The following C4BPA variants were observed in gnomAD, a reference collection of about 807,000 sequenced individuals.
C4BPA encodes the protein complement component 4 binding protein alpha.
C4BPA carries 31 observed loss-of-function variants against 63.7 expected under a neutral mutation model. That is an observed-to-expected ratio of 0.49 (90% CI 0.37 to 0.66). The LOEUF (loss-of-function observed/expected upper bound fraction) is 0.66. C4BPA is among the 30% of genes least tolerant of loss of function. The probability of loss-of-function intolerance (pLI) is 0.00; values close to 1 mark genes in which losing one functional copy is unlikely to be tolerated. For synonymous variants in C4BPA, 259 were observed against 254.7 expected (o/e 1.02, Z -0.16); for missense variants, 572 against 723.3 (o/e 0.79, Z 2.40).
chr1:207,129,758 A>T lies in C4BPA; in HGVS notation c.890-1788A>T, dbSNP rs569313549. Reference sequence around the variant, plus strand: ...ACATATATTACAAACTGCACAATAAATTTTTATAATTATTGTTTTATATAA... The same window carrying T: ...ACATATATTACAAACTGCACAATAATTTTTTATAATTATTGTTTTATATAA... On this transcript the variant is annotated intron_variant, in intron 7 of 11. Transcript: ENST00000367070. Among the ~76,000 whole-genome samples, 186 of 152,266 alleles carry T rather than the reference A, an allele frequency of 1.2e-3. 1 individual carries two copies. Among genetic ancestry groups the T allele is most frequent in the African/African-American group, 4.3e-3 (180 of 41,558 alleles).
At chr1:207,133,814 T>C (rs1685218517) in intron 8 of C4BPA, among the ~76,000 whole-genome samples, 1 of 152,164 alleles carries the variant, frequency 6.6e-6, no homozygotes, top group Admixed American at 6.5e-5. Flanking sequence ...ATCCTTGAAA[T>C]AAGCAGTAAT....
At chr1:207,134,276 T>C in intron 8 of C4BPA, 128 bp from the exon 9 acceptor site, 1 of 686,738 alleles carries the variant, frequency 1.5e-6, no homozygotes, top group South Asian at 1.9e-5. Flanking sequence ...GTGTCTTGGG[T>C]CTCCCTTTCT....
intron 1 of C4BPA, among the ~76,000 whole-genome samples, chr1:207,105,645 T>C (rs918598697): frequency 5.3e-5 from 8 of 151,244 alleles, no homozygotes; most frequent in Non-Finnish European, 7.4e-5. Flanking sequence ...TTGTAAGTGA[T>C]ATAATTGAGA....
chr1:207,105,444 C>T (rs1427416474), intron 1 of C4BPA, among the ~76,000 whole-genome samples: 1 of 151,006 alleles, frequency 6.6e-6, no homozygotes, highest in East Asian at 1.9e-4. Context: ...GTAATCCCAG[C>T]TACTTGGGAG....
rs747354611 is a variant in C4BPA at position 207,144,767 on chromosome 1, A to C, written c.*50A>C. 7.8e-7 allele frequency: 1 copy of C among 1,285,462 alleles called. No individual in the cohort carries two copies. The highest frequency in any genetic ancestry group is 1.1e-6 in the Non-Finnish European group (1 of 929,120). The allele number at this position is 1,285,462 out of a possible 1,614,324, so 79.6% of individuals were successfully genotyped here. A position where few individuals can be genotyped will look rare whatever the true frequency, so the allele number is the denominator to read the frequency against. The stretch of plus-strand genomic sequence containing the variant: ...GGTGTCTTGCTGGCTTGCCTCTTGC[A>C]ATTCAATACAGATCAGTTTAGCAAA... On this transcript the variant is annotated 3_prime_UTR_variant, in exon 12 of 12. Coordinates refer to ENST00000367070, the MANE Select transcript of C4BPA (RefSeq NM_000715.4).
At chr1:207,142,507 A>G (rs895186580) in intron 10 of C4BPA, among the ~76,000 whole-genome samples, 1 of 152,162 alleles carries the variant, frequency 6.6e-6, no homozygotes, top group Non-Finnish European at 1.5e-5. Flanking sequence ...TGTTTTCCAC[A>G]ATGGTTGAAC....
intron 2 of C4BPA, among the ~76,000 whole-genome samples, chr1:207,113,584 A>G (rs1010245052): frequency 6.6e-6 from 1 of 152,182 alleles, no homozygotes; most frequent in Admixed American, 6.5e-5. Context: ...TTCTTCCTCC[A>G]TATCATTCAA....
Position 207,144,906 on chromosome 1 carries a change from T to C in C4BPA, c.*189T>C. The stretch of plus-strand genomic sequence containing the variant: ...TATTAATCATCCTCTGTGTGGCTCA[T>C]GTTTTTGCTTTTCAACACACAAAGC... On this transcript the variant is annotated 3_prime_UTR_variant, in exon 12 of 12. Coordinates refer to ENST00000367070, the MANE Select transcript of C4BPA (RefSeq NM_000715.4). 1 of 360,928 alleles carries C rather than the reference T, an allele frequency of 2.8e-6. No homozygotes were observed. Among genetic ancestry groups the C allele is most frequent in the Non-Finnish European group, 4.8e-6 (1 of 206,718 alleles). 22.4% of individuals were successfully genotyped at this position (360,928 alleles called of 1,614,324 possible).
chr1:207,113,990 G>A (rs1684726618), intron 2 of C4BPA, 110 bp from the exon 3 acceptor site: 1 of 868,324 alleles, frequency 1.2e-6, no homozygotes, highest in Non-Finnish European at 1.8e-6. Context: ...CTTGACTAGA[G>A]ATCATTCTTG....
chr1:207,129,174 A>G (rs1685110780), intron 7 of C4BPA, among the ~76,000 whole-genome samples: 1 of 152,072 alleles, frequency 6.6e-6, no homozygotes, highest in South Asian at 2.1e-4. Context: ...CAAAAGAGGA[A>G]CTCAACAGTA....
intron 10 of C4BPA, 66 bp downstream of exon 10, chr1:207,141,342 T>C (rs887464152): frequency 8.7e-6 from 11 of 1,268,870 alleles, no homozygotes; most frequent in African/African-American, 6.0e-5. Context: ...CACTGAGAGC[T>C]AAGTTTCTTC....
At chr1:207,111,593 A>G (rs1454694050) in intron 1 of C4BPA, among the ~76,000 whole-genome samples, 1 of 152,164 alleles carries the variant, frequency 6.6e-6, no homozygotes, top group Non-Finnish European at 1.5e-5. Flanking sequence ...TCTCCCACAC[A>G]GTTTCTCTCC....
At chr1:207,122,767 T>G (rs1420639567) in intron 4 of C4BPA, among the ~76,000 whole-genome samples, 2 of 152,040 alleles carry the variant, frequency 1.3e-5, no homozygotes, top group Admixed American at 1.3e-4. Flanking sequence ...AGAGATGGGG[T>G]TTTGTCATAT....
chr1:207,105,077 T>C (rs141595217), intron 1 of C4BPA, among the ~76,000 whole-genome samples: 79 of 152,356 alleles, frequency 5.2e-4, no homozygotes, highest in African/African-American at 1.8e-3. Context: ...AGTACCATTC[T>C]GGTCCTCATT....
At chr1:207,115,363 C>T in intron 3 of C4BPA, 53 bp from the exon 4 acceptor site, 1 of 898,646 alleles carries the variant, frequency 1.1e-6, no homozygotes, top group South Asian at 1.6e-5. Context: ...TTTTCTAATG[C>T]CATATCTGTG....
intron 6 of C4BPA, among the ~76,000 whole-genome samples, chr1:207,126,006 C>G (rs534580484): frequency 3.0e-4 from 45 of 151,918 alleles, no homozygotes; most frequent in Non-Finnish European, 6.2e-4. Flanking sequence ...CCTGGGCTGC[C>G]TCTGCACTAT....
intron 6 of C4BPA, among the ~76,000 whole-genome samples, chr1:207,125,163 T>C (rs980823785): frequency 7.9e-5 from 12 of 152,220 alleles, no homozygotes; most frequent in African/African-American, 2.7e-4. Context: ...AGCAGGATAC[T>C]GCCAACAGTG....
chr1:207,112,350 GTTT>G lies in C4BPA; in HGVS notation c.-25-635_-25-633del, dbSNP rs61668698. Among the ~76,000 whole-genome samples the G allele has an allele frequency of 3.0e-3, 346 of 114,178 alleles. 2 individuals carry two copies. Among genetic ancestry groups the G allele is most frequent in the African/African-American group, 1.0e-2 (304 of 30,446 alleles). The allele number at this position is 114,178 out of a possible 152,430, so 74.9% of individuals were successfully genotyped here. A position where few individuals can be genotyped will look rare whatever the true frequency, so the allele number is the denominator to read the frequency against. On this transcript the variant is annotated intron_variant, in intron 1 of 11. Coordinates refer to ENST00000367070, the MANE Select transcript of C4BPA (RefSeq NM_000715.4). ...TATCCCATCATTTTCCTGCCTTTTTGTTTTTTTTTTTTTTTTTTATGTTTGTAC... is the reference window on the plus strand; with the variant it reads ...TATCCCATCATTTTCCTGCCTTTTTGTTTTTTTTTTTTTTTATGTTTGTAC...
At chr1:207,128,035 G>A (rs1020719333) in intron 7 of C4BPA, among the ~76,000 whole-genome samples, 7 of 152,118 alleles carry the variant, frequency 4.6e-5, no homozygotes, top group African/African-American at 1.7e-4. Context: ...CCCCAACTCC[G>A]ATTATATGGG....
Sources: gnomAD v4.1 joint callset for allele counts (sites outside exome capture counted in the v4.1 genomes callset) on GRCh38, gnomAD v4.1.1 for gene constraint, MANE v1.5 for transcripts, NCBI Gene and HGNC (gene_info 2026-07-23, HGNC 2026-07-21) for gene names.